Variants in NDNF observed in about 807,000 individuals in gnomAD.
NDNF encodes the protein neuron derived neurotrophic factor.
A neutral mutation model predicts 42.0 loss-of-function variants in NDNF; 16 were observed. The observed-to-expected ratio is 0.38, with a 90% confidence interval of 0.26 to 0.58. The LOEUF is 0.58. Ranked by LOEUF, NDNF falls within the 20% of genes least tolerant of loss-of-function variation. The probability of loss-of-function intolerance (pLI) is 0.67; values close to 1 mark genes in which losing one functional copy is unlikely to be tolerated. For missense variants in NDNF, 616 were observed against 666.2 expected (o/e 0.92, Z 0.83); for synonymous variants, 248 against 251.7 (o/e 0.99, Z 0.14).
rs1193261698 is a variant in NDNF, at chr4:121,036,130, A to C, written c.*134T>G. On this transcript the variant is annotated 3_prime_UTR_variant, in exon 4 of 4. Transcript: ENST00000379692. ...TACTTATATAAACATCAATATACAC[A>C]CGTTGATATCCTTCCTTCCATAGTA... is the stretch of plus-strand genomic sequence containing the variant. The C allele has an allele frequency of 1.3e-6, 1 of 748,044 alleles. No individual in the cohort carries two copies. Among genetic ancestry groups the C allele is most frequent in the Non-Finnish European group, 2.2e-6 (1 of 451,718 alleles). The allele number at this position is 748,044 out of a possible 1,614,324, so 46.3% of individuals were successfully genotyped here.
chr4:121,050,986 T>C (rs1244499017), intron 1 of NDNF, among the ~76,000 whole-genome samples: 2 of 152,292 alleles, frequency 1.3e-5, no homozygotes, highest in East Asian at 3.9e-4. Flanking sequence ...ATAACTAGTT[T>C]ATATGGTGTA....
At chr4:121,038,817 T>A (rs1050014370) in intron 3 of NDNF, 1 of 151,860 alleles carries the variant, frequency 6.6e-6, no homozygotes, top group South Asian at 2.1e-4. Context: ...TGAAACCCTA[T>A]CTTTACAAAA....
intron 1 of NDNF, among the ~76,000 whole-genome samples, chr4:121,064,513 TA>T (rs1373078903): frequency 1.3e-5 from 2 of 152,226 alleles, no homozygotes; most frequent in Non-Finnish European, 2.9e-5. Context: ...AGATTACTGA[TA>T]TTTTCAAAAC....
intron 3 of NDNF, among the ~76,000 whole-genome samples, chr4:121,039,192 G>A (rs6835239): frequency 0.12 from 2,538 of 20,512 alleles, 75 homozygotes; most frequent in Middle Eastern, 0.31. Context: ...GTGTGTGTGT[G>A]TATATATATA....
intron 2 of NDNF, among the ~76,000 whole-genome samples, chr4:121,041,718 CAACA>C (rs750659581): frequency 1.3e-5 from 2 of 152,126 alleles, no homozygotes; most frequent in Non-Finnish European, 2.9e-5. Context: ...TTAATTCATC[CAACA>C]AACATTCCTT....
At position 121,070,525 on chromosome 4, in the gene NDNF, C is replaced by G. The variant is rs143676205; in HGVS notation, c.-2+1468G>C. Among the ~76,000 whole-genome samples the G allele has an allele frequency of 9.4e-4, 143 of 152,056 alleles. 1 individual carries two copies. The highest frequency in any genetic ancestry group is 3.2e-3 in the African/African-American group (133 of 41,438). On this transcript the variant is annotated intron_variant, in intron 1 of 3. Transcript: ENST00000379692. ...GAGGAGAGGAGGAGGTGCGGAGATTCCCTCCGTCAGAAAAGAAAAAGGGTT... is the reference window on the plus strand; with the variant it reads ...GAGGAGAGGAGGAGGTGCGGAGATTGCCTCCGTCAGAAAAGAAAAAGGGTT...
chr4:121,043,574 A>G (rs1727040444), intron 2 of NDNF, among the ~76,000 whole-genome samples: 1 of 152,206 alleles, frequency 6.6e-6, no homozygotes. Context: ...GTTGTTTTAT[A>G]ATGTCTCTTA....
intron 1 of NDNF, among the ~76,000 whole-genome samples, chr4:121,051,085 A>G (rs550860046): frequency 1.6e-4 from 24 of 152,286 alleles, no homozygotes; most frequent in African/African-American, 5.5e-4. Flanking sequence ...GCAAATAAGT[A>G]GTAGTCCCCA....
intron 1 of NDNF, among the ~76,000 whole-genome samples, chr4:121,064,003 T>C (rs1181385964): frequency 6.6e-6 from 1 of 152,180 alleles, no homozygotes; most frequent in African/African-American, 2.4e-5. Context: ...GCATAGACAG[T>C]CTACAATTAT....
rs570494272 is a variant in NDNF at position 121,037,395 on chromosome 4, G to C, written c.576C>G (p.Val192=). Residue 192 remains valine (V), a synonymous_variant, in exon 4 of 4, where the codon GTC becomes GTG. Transcript: ENST00000379692. Reference sequence around the variant, plus strand: ...TGGGGCTTGGTTTCCAGGCCAAAGTGACCGTGGTGCGCCCCAGTGAGGTCA... The same window carrying C: ...TGGGGCTTGGTTTCCAGGCCAAAGTCACCGTGGTGCGCCCCAGTGAGGTCA... ...VDVTSLGRTT[V]TLAWKPSPTA... The C allele has an allele frequency of 4.3e-6, 7 of 1,614,152 alleles. No individual in the cohort carries two copies. Among genetic ancestry groups the C allele is most frequent in the Admixed American group, 1.7e-5 (1 of 59,994 alleles).
intron 1 of NDNF, among the ~76,000 whole-genome samples, chr4:121,049,399 T>C (rs941418897): frequency 1.3e-5 from 2 of 152,250 alleles, no homozygotes; most frequent in Middle Eastern, 3.4e-3. Context: ...TGTAATAAAA[T>C]CCAAACATGG....
chr4:121,045,682 A>G lies in NDNF; in HGVS notation c.156T>C (p.Ile52=). Residue 52 remains isoleucine (I), a synonymous_variant, in exon 2 of 4, where the codon ATT becomes ATC. Transcript: ENST00000379692. ...DSSVIPDGAE[I]SSYLFRDTPK... is the part of the protein sequence containing the mutation. ...GTGTATCTCTAAAGAGATAACTGCT[A>G]ATTTCAGCTCCATCTGGAATTACTG... 1 of 1,614,168 alleles carries G rather than the reference A, an allele frequency of 6.2e-7. No homozygotes were observed. Among genetic ancestry groups the G allele is most frequent in the South Asian group, 1.1e-5 (1 of 91,082 alleles).
At chr4:121,055,822 C>A (rs545687737) in intron 1 of NDNF, among the ~76,000 whole-genome samples, 1 of 151,772 alleles carries the variant, frequency 6.6e-6, no homozygotes, top group South Asian at 2.1e-4. Context: ...CACACACACA[C>A]GCACCCCAGA....
chr4:121,047,743 T>C (rs1167096438), intron 1 of NDNF, among the ~76,000 whole-genome samples: 1 of 152,218 alleles, frequency 6.6e-6, no homozygotes, highest in Non-Finnish European at 1.5e-5. Flanking sequence ...GCAATGCTTC[T>C]GAGACTGAAT....
intron 2 of NDNF, among the ~76,000 whole-genome samples, chr4:121,041,387 C>G (rs1002094803): frequency 6.6e-6 from 1 of 152,128 alleles, no homozygotes; most frequent in Non-Finnish European, 1.5e-5. Flanking sequence ...TCTCCATAAC[C>G]CTGACCAACA....
At chr4:121,047,754 A>G (rs1202945289) in intron 1 of NDNF, among the ~76,000 whole-genome samples, 1 of 152,234 alleles carries the variant, frequency 6.6e-6, no homozygotes, top group African/African-American at 2.4e-5. Flanking sequence ...GAGACTGAAT[A>G]AACTTTTCTT....
chr4:121,063,777 C>T (rs939955362), intron 1 of NDNF, among the ~76,000 whole-genome samples: 1 of 152,028 alleles, frequency 6.6e-6, no homozygotes, highest in Non-Finnish European at 1.5e-5. Context: ...AGTGATTTCC[C>T]CTGTTAAAAA....
In NDNF at chr4:121,042,916, C is replaced by T. The variant is rs910293372; in HGVS notation, c.188+2734G>A. ...AACGTAGGTCATAGGTGACCAGTTA[C>T]AAATAAAACAATGCTTTCATTCCAC... On this transcript the variant is annotated intron_variant, in intron 2 of 3. Coordinates refer to ENST00000379692, the MANE Select transcript of NDNF (RefSeq NM_024574.4). Among the ~76,000 whole-genome samples the T allele has an allele frequency of 2.0e-5, 3 of 152,194 alleles. No individual in the cohort carries two copies. In the East Asian group the frequency reaches 5.8e-4, roughly 29 times the overall value.
chr4:121,038,540 T>A (rs1726921377), intron 3 of NDNF, among the ~76,000 whole-genome samples: 1 of 152,166 alleles, frequency 6.6e-6, no homozygotes, highest in African/African-American at 2.4e-5. Context: ...CAGATATCAG[T>A]GTATAGCTTA....
Sources: allele counts gnomAD v4.1 joint callset (sites outside exome capture counted in the v4.1 genomes callset), GRCh38; gene constraint gnomAD v4.1.1; transcripts MANE v1.5; gene names NCBI Gene and HGNC (gene_info 2026-07-23, HGNC 2026-07-21).